The following CDH13 variants were observed in gnomAD, a reference collection of about 807,000 sequenced individuals.
CDH13 encodes cadherin-13.
A neutral mutation model predicts 63.8 loss-of-function variants in CDH13; 24 were observed. That is an observed-to-expected ratio of 0.38 (90% CI 0.27 to 0.53). CDH13 has a LOEUF of 0.53. Ranked by LOEUF, CDH13 falls within the 20% of genes least tolerant of loss-of-function variation. CDH13 has a pLI of 0.85. For synonymous variants in CDH13, 503 were observed against 355.3 expected, an observed-to-expected ratio of 1.42 and a Z score of -4.67; for missense variants, 1,049 against 903.1, an observed-to-expected ratio of 1.16 and a Z score of -2.07.
chr16:83,299,827 G>A (rs138716712), intron 5 of CDH13, among the ~76,000 whole-genome samples: 1 of 152,160 alleles, frequency 6.6e-6, no homozygotes, highest in Non-Finnish European at 1.5e-5. Context: ...AGTACATAAT[G>A]ATGAGCTCAC....
intron 3 of CDH13, among the ~76,000 whole-genome samples, chr16:83,057,295 A>G (rs1298650297): frequency 6.6e-6 from 1 of 152,162 alleles, no homozygotes; most frequent in African/African-American, 2.4e-5. Flanking sequence ...CAACCTGAGA[A>G]CAGACTAATA....
chr16:83,490,009 C>CCACACA (rs10666213), intron 7 of CDH13, among the ~76,000 whole-genome samples: 1,861 of 137,348 alleles, frequency 0.014, 20 homozygotes, highest in African/African-American at 0.021. Context: ...GCTGCAGAAA[C>CCACACA]CACACACACA....
chr16:83,738,415 A>T (rs1037543675), intron 10 of CDH13, among the ~76,000 whole-genome samples: 1 of 152,186 alleles, frequency 6.6e-6, no homozygotes, highest in Non-Finnish European at 1.5e-5. Flanking sequence ...CTGGAAGTGG[A>T]TTAGGGTGAT....
intron 1 of CDH13, among the ~76,000 whole-genome samples, chr16:82,798,021 A>G (rs2151153872): frequency 6.6e-6 from 1 of 152,288 alleles, no homozygotes; most frequent in East Asian, 1.9e-4. Context: ...TCACAAAGTA[A>G]AGAGACACTT....
At chr16:83,210,969 G>A (rs1336952147) in intron 4 of CDH13, among the ~76,000 whole-genome samples, 5 of 151,752 alleles carry the variant, frequency 3.3e-5, no homozygotes, top group Non-Finnish European at 1.5e-5. Context: ...CTAACACAGT[G>A]AAACCCTGTC....
intron 5 of CDH13, among the ~76,000 whole-genome samples, chr16:83,275,738 A>G (rs568708156): frequency 1.1e-4 from 16 of 152,276 alleles, no homozygotes; most frequent in African/African-American, 3.1e-4. Flanking sequence ...TTCTGAACCC[A>G]TAGTGTCTGT....
chr16:83,776,075 A>G (rs1042505906), intron 11 of CDH13, among the ~76,000 whole-genome samples: 1 of 152,156 alleles, frequency 6.6e-6, no homozygotes, highest in Non-Finnish European at 1.5e-5. Flanking sequence ...CTTGTCTTTA[A>G]CTCATCGCCC....
intron 2 of CDH13, among the ~76,000 whole-genome samples, chr16:82,860,394 G>C (rs970319477): frequency 1.5e-4 from 19 of 130,972 alleles, no homozygotes; most frequent in African/African-American, 2.2e-4. Context: ...TGTGTGGGGG[G>C]GGGGGCGGCG....
intron 6 of CDH13, among the ~76,000 whole-genome samples, chr16:83,410,781 T>G (rs772460345): frequency 6.6e-6 from 1 of 152,238 alleles, no homozygotes; most frequent in Non-Finnish European, 1.5e-5. Flanking sequence ...GGCAATCAGC[T>G]GCCAACATTT....
intron 5 of CDH13, among the ~76,000 whole-genome samples, chr16:83,325,302 G>A (rs7195067): frequency 0.58 from 88,863 of 152,006 alleles, 26,123 homozygotes; most frequent in Middle Eastern, 0.66. Context: ...CAATGAGAGA[G>A]GGGGAGGGAG....
At chr16:83,370,666 T>C (rs990007866) in intron 6 of CDH13, among the ~76,000 whole-genome samples, 1 of 152,326 alleles carries the variant, frequency 6.6e-6, no homozygotes, top group South Asian at 2.1e-4. Flanking sequence ...TGATCCCTTC[T>C]TCGTGTTCTT....
intron 10 of CDH13, among the ~76,000 whole-genome samples, chr16:83,681,555 C>G (rs1915405451): frequency 6.6e-6 from 1 of 152,146 alleles, no homozygotes; most frequent in Non-Finnish European, 1.5e-5. Context: ...TTCCCCTCCT[C>G]CGTTCTTCTC....
At chr16:82,744,330 C>T (rs1199625389) in intron 1 of CDH13, among the ~76,000 whole-genome samples, 1 of 152,094 alleles carries the variant, frequency 6.6e-6, no homozygotes, top group Admixed American at 6.5e-5. Context: ...CTTTTGTAGT[C>T]GTTTTTCATA....
At chr16:83,488,911 C>T (rs1369376655) in intron 7 of CDH13, among the ~76,000 whole-genome samples, 1 of 152,202 alleles carries the variant, frequency 6.6e-6, no homozygotes, top group Non-Finnish European at 1.5e-5. Context: ...AGGGATGAGC[C>T]ACTGCGCCCG....
chr16:83,602,895 T>A (rs1907982241), intron 8 of CDH13, among the ~76,000 whole-genome samples: 1 of 152,330 alleles, frequency 6.6e-6, no homozygotes, highest in South Asian at 2.1e-4. Context: ...TATTTAGCAG[T>A]GAGTTATGAG....
At position 83,326,453 on chromosome 16, in the gene CDH13, T is replaced by C. The variant is rs558876136; in HGVS notation, c.637-18409T>C. 2.0e-5 allele frequency among the ~76,000 whole-genome samples: 3 copies of C among 151,294 alleles called. No individual in the cohort carries two copies. In the South Asian group the frequency reaches 6.3e-4, roughly 32 times the overall value. On this transcript the variant is annotated intron_variant, in intron 5 of 13. Coordinates refer to ENST00000567109, the MANE Select transcript of CDH13 (RefSeq NM_001257.5). ...TTTTTTTTTTTTTTTAACTTTTGAA[T>C]GAGAATATTCCTCTGAACTCTATGG...
Position 82,739,204 on chromosome 16 carries a change from A to G in CDH13, c.45+112067A>G, listed in dbSNP as rs542751542. On this transcript the variant is annotated intron_variant, in intron 1 of 13. Coordinates refer to ENST00000567109, the MANE Select transcript of CDH13 (RefSeq NM_001257.5). The stretch of plus-strand genomic sequence containing the variant: ...CTTAACCAGATGTGATTTTACTATT[A>G]TATTTTTTAGTAATTACATAAATCA... 2.7e-5 allele frequency among the ~76,000 whole-genome samples: 4 copies of G among 147,908 alleles called. No homozygotes were observed. In the South Asian group the frequency reaches 8.6e-4, roughly 32 times the overall value.
chr16:82,972,617 C>T (rs1336661652), intron 2 of CDH13, among the ~76,000 whole-genome samples: 1 of 152,130 alleles, frequency 6.6e-6, no homozygotes, highest in Non-Finnish European at 1.5e-5. Context: ...TGCATAACTC[C>T]ATGTGAATTG....
At chr16:83,042,575 G>T (rs1597208117) in intron 3 of CDH13, among the ~76,000 whole-genome samples, 1 of 152,278 alleles carries the variant, frequency 6.6e-6, no homozygotes, top group African/African-American at 2.4e-5. Flanking sequence ...CATGATAAAT[G>T]TAATGCACTT....
Sources: gnomAD v4.1 joint callset for allele counts (sites outside exome capture counted in the v4.1 genomes callset) on GRCh38, gnomAD v4.1.1 for gene constraint, MANE v1.5 for transcripts, NCBI Gene and HGNC (gene_info 2026-07-23, HGNC 2026-07-21) for gene names.